The following PIEZO2 variants were observed in gnomAD, a reference collection of about 807,000 sequenced individuals.
PIEZO2 encodes piezo type mechanosensitive ion channel component 2, also known as piezo-type mechanosensitive ion channel component 2.
PIEZO2 carries 172 observed loss-of-function variants against 337.3 expected under a neutral mutation model. The observed-to-expected ratio is 0.51, with a 90% confidence interval of 0.45 to 0.58. PIEZO2 has a LOEUF of 0.58. Ranked by LOEUF, PIEZO2 falls within the 20% of genes least tolerant of loss-of-function variation. PIEZO2 has a pLI of 0.00. For synonymous variants in PIEZO2, 1,251 were observed against 1,228.5 expected, an observed-to-expected ratio of 1.02 and a Z score of -0.38; for missense variants, 3,028 against 3,391.3, an observed-to-expected ratio of 0.89 and a Z score of 2.66.
At chr18:10,811,762 G>C (rs1217540467) in intron 7 of PIEZO2, among the ~76,000 whole-genome samples, 1 of 152,206 alleles carries the variant, frequency 6.6e-6, no homozygotes, top group Non-Finnish European at 1.5e-5. Flanking sequence ...CAAACATTTT[G>C]AACTTTACCT....
chr18:10,980,126 A>C lies in PIEZO2; in HGVS notation c.161-466T>G, dbSNP rs2034609760. On this transcript the variant is annotated intron_variant, in intron 2 of 55. Transcript: ENST00000674853. The surrounding 1 kb of genome is among the most constrained non-coding windows in gnomAD (Gnocchi z 4.8). ...AGAAAATTATAACCCCATGTTACTC[A>C]TAACATAGATATGAATTATTTTTTT... Among the ~76,000 whole-genome samples, 1 of 152,122 alleles carries C rather than the reference A, an allele frequency of 6.6e-6. No individual in the cohort carries two copies. The highest frequency in any genetic ancestry group is 2.4e-5 in the African/African-American group (1 of 41,384).
intron 48 of PIEZO2, among the ~76,000 whole-genome samples, chr18:10,690,555 G>C (rs768836937): frequency 6.6e-5 from 10 of 152,166 alleles, no homozygotes; most frequent in Non-Finnish European, 5.9e-5. Flanking sequence ...AGCACTGTAT[G>C]AAACACGACC....
At position 10,750,299 on chromosome 18, in the gene PIEZO2, C is replaced by T; in HGVS notation, c.4168-112G>A. On this transcript the variant is annotated intron_variant, in intron 28 of 55. Transcript: ENST00000674853. This position sits in a 1 kb window ranked among gnomAD's most constrained non-coding sequence, Gnocchi z 4.1. Reference sequence around the variant, plus strand: ...CACAAGGTCTCAGTGATAAGGATTCCAGGAGATGCCAATTGTACCTAAAAA... The same window carrying T: ...CACAAGGTCTCAGTGATAAGGATTCTAGGAGATGCCAATTGTACCTAAAAA... The T allele has an allele frequency of 1.4e-6, 1 of 732,242 alleles. No homozygotes were observed. The highest frequency in any genetic ancestry group is 2.3e-6 in the Non-Finnish European group (1 of 432,654). The allele number at this position is 732,242 out of a possible 1,614,324, so 45.4% of individuals were successfully genotyped here.
At chr18:11,055,548 G>C (rs77175310) in intron 2 of PIEZO2, among the ~76,000 whole-genome samples, 1,796 of 152,352 alleles carry the variant, frequency 0.012, 21 homozygotes, top group South Asian at 0.048. Context: ...TCCAGGCAAA[G>C]GGAGCTGTGA....
chr18:10,825,382 A>C (rs2040639477), intron 7 of PIEZO2, among the ~76,000 whole-genome samples: 1 of 151,590 alleles, frequency 6.6e-6, no homozygotes, highest in Non-Finnish European at 1.5e-5. Context: ...GATTTGGGGG[A>C]GAAAGGTTGC....
intron 1 of PIEZO2, among the ~76,000 whole-genome samples, chr18:11,087,456 A>C (rs1376110935): frequency 6.6e-6 from 1 of 152,210 alleles, no homozygotes; most frequent in African/African-American, 2.4e-5. Flanking sequence ...TAATCTAAAT[A>C]TATTTATCTG....
chr18:11,098,975 T>G (rs1038403547), intron 1 of PIEZO2, among the ~76,000 whole-genome samples: 1 of 151,212 alleles, frequency 6.6e-6, no homozygotes, highest in African/African-American at 2.4e-5. Context: ...TTTAAATTTT[T>G]TTTTTTTTTT....
At position 11,002,296 on chromosome 18, in the gene PIEZO2, C is replaced by G. The variant is rs2035572477; in HGVS notation, c.161-22636G>C. ...AGTAGAGGCTGGTTCAGTCTATAGG[C>G]TGTAGTTTGCTGATCCCTGCTCTAG... is the stretch of plus-strand genomic sequence containing the variant. On this transcript the variant is annotated intron_variant, in intron 2 of 55. Coordinates refer to ENST00000674853, the MANE Select transcript of PIEZO2 (RefSeq NM_001378183.1). This position sits in a 1 kb window ranked among gnomAD's most constrained non-coding sequence, Gnocchi z 4.3. Among the ~76,000 whole-genome samples the G allele has an allele frequency of 5.3e-5, 8 of 152,266 alleles. No individual in the cohort carries two copies. In the South Asian group the frequency reaches 1.7e-3, roughly 32 times the overall value.
chr18:11,064,029 CAA>C (rs879717366), intron 2 of PIEZO2, among the ~76,000 whole-genome samples: 3 of 135,224 alleles, frequency 2.2e-5, no homozygotes. Context: ...ATCTGATGAG[CAA>C]AAAAAAAAAA....
At chr18:10,866,778 T>C (rs2042019100) in intron 5 of PIEZO2, among the ~76,000 whole-genome samples, 1 of 152,186 alleles carries the variant, frequency 6.6e-6, no homozygotes, top group Admixed American at 6.5e-5. Flanking sequence ...ATACCAAAAC[T>C]TTCCAGAAGA....
In PIEZO2 at chr18:10,856,895, TG is replaced by T; in HGVS notation, c.703+105del. ...AAGAGCTACAGTTATGATATTCATG[TG>T]GTGGAACAGACTGTTTCCTTCATTT... is the stretch of plus-strand genomic sequence containing the variant. On this transcript the variant is annotated intron_variant, in intron 6 of 55. Coordinates refer to ENST00000674853, the MANE Select transcript of PIEZO2 (RefSeq NM_001378183.1). This position sits in a 1 kb window ranked among gnomAD's most constrained non-coding sequence, Gnocchi z 4.7. 9.8e-7 allele frequency: 1 copy of T among 1,017,076 alleles called. No individual in the cohort carries two copies. Among genetic ancestry groups the T allele is most frequent in the Non-Finnish European group, 1.4e-6 (1 of 691,662 alleles). 63.0% of individuals were successfully genotyped at this position (1,017,076 alleles called of 1,614,324 possible). A position where few individuals can be genotyped will look rare whatever the true frequency, so the allele number is the denominator to read the frequency against.
rs1257644154 is a variant in PIEZO2 at position 11,003,191 on chromosome 18, A to G, written c.161-23531T>C. On this transcript the variant is annotated intron_variant, in intron 2 of 55. Coordinates refer to ENST00000674853, the MANE Select transcript of PIEZO2 (RefSeq NM_001378183.1). This position sits in a 1 kb window ranked among gnomAD's most constrained non-coding sequence, Gnocchi z 4.6. ...CCAGGACGTGTGTGGTATTAACTGT[A>G]GCACTAAGATAAGTTTCCATGTAAA... 6.6e-6 allele frequency among the ~76,000 whole-genome samples: 1 copy of G among 152,216 alleles called. No homozygotes were observed. Among genetic ancestry groups the G allele is most frequent in the Non-Finnish European group, 1.5e-5 (1 of 68,054 alleles).
Position 11,148,758 on chromosome 18 carries a change from G to A in PIEZO2, c.-170C>T, listed in dbSNP as rs1035810483. The A allele has an allele frequency of 9.5e-6, 6 of 634,860 alleles. No individual in the cohort carries two copies. Among genetic ancestry groups the A allele is most frequent in the Non-Finnish European group, 1.5e-5 (6 of 388,546 alleles). The allele number at this position is 634,860 out of a possible 1,614,324, so 39.3% of individuals were successfully genotyped here. On this transcript the variant is annotated 5_prime_UTR_variant, in exon 1 of 56. Transcript: ENST00000674853. The surrounding 1 kb of genome is among the most constrained non-coding windows in gnomAD (Gnocchi z 5.2). Reference sequence around the variant, plus strand: ...CTCTCCGCCCCGAGGGCACGCTCCCGGGGCTCTTGGCCGCCCCTCGCCCAC... The same window carrying A: ...CTCTCCGCCCCGAGGGCACGCTCCCAGGGCTCTTGGCCGCCCCTCGCCCAC...
At chr18:11,068,366 A>C (rs1470826984) in intron 1 of PIEZO2, among the ~76,000 whole-genome samples, 2 of 152,206 alleles carry the variant, frequency 1.3e-5, no homozygotes, top group East Asian at 3.8e-4. Context: ...AGAAATCAAA[A>C]ACAGGAGGAA....
intron 1 of PIEZO2, among the ~76,000 whole-genome samples, chr18:11,138,923 T>C (rs1055358953): frequency 1.3e-5 from 2 of 152,214 alleles, no homozygotes; most frequent in Non-Finnish European, 2.9e-5. Flanking sequence ...ATTCTCAACT[T>C]TCAACAGGTC....
Position 10,748,543 on chromosome 18 carries a change from C to A in PIEZO2, c.4352G>T (p.Arg1451Ile). 1 of 1,536,800 alleles carries A rather than the reference C, an allele frequency of 6.5e-7. No individual in the cohort carries two copies. The highest frequency in any genetic ancestry group is 8.7e-7 in the Non-Finnish European group (1 of 1,146,732). Residue 1451 changes from arginine (R) to isoleucine (I), a missense_variant, in exon 30 of 56, where the codon AGA becomes ATA. Arg to Ile is a moderately conservative substitution (Grantham distance 97, BLOSUM62 -3). Transcript: ENST00000674853. The surrounding 1 kb of genome is among the most constrained non-coding windows in gnomAD (Gnocchi z 5.1). ...SICFAFLLLQ[R>I]RVFMSYYFLH... ...AAAATAATAACTCATGAAAACTCTT[C>A]TTTGCAGCAGGAGGAAGGCAAAACA...
In PIEZO2 at chr18:11,106,841, T is replaced by G. The variant is rs963602344; in HGVS notation, c.65-40619A>C. On this transcript the variant is annotated intron_variant, in intron 1 of 55. Transcript: ENST00000674853. ...AAAGAAATGGCTTGGGACTGTTTTTTGGGCTGAGCCACTTACAAACACTTA... is the reference window on the plus strand; with the variant it reads ...AAAGAAATGGCTTGGGACTGTTTTTGGGGCTGAGCCACTTACAAACACTTA... 2.1e-5 allele frequency among the ~76,000 whole-genome samples: 3 copies of G among 143,786 alleles called. No individual in the cohort carries two copies. The East Asian group carries it at 6.8e-4, about 33-fold the overall frequency. 94.3% of individuals were successfully genotyped at this position (143,786 alleles called of 152,430 possible).
intron 30 of PIEZO2, among the ~76,000 whole-genome samples, chr18:10,744,696 C>T (rs2037354983): frequency 6.6e-6 from 1 of 152,208 alleles, no homozygotes; most frequent in Non-Finnish European, 1.5e-5. Flanking sequence ...AGTTCCTGCT[C>T]CATCTGTGGG....
chr18:11,075,771 A>G (rs2038512173), intron 1 of PIEZO2, among the ~76,000 whole-genome samples: 1 of 150,400 alleles, frequency 6.6e-6, no homozygotes, highest in Admixed American at 6.7e-5. Context: ...AGGAAAGGCG[A>G]ATAGAGATAT....
Sources: allele counts gnomAD v4.1 joint callset (sites outside exome capture counted in the v4.1 genomes callset), GRCh38; gene constraint gnomAD v4.1.1; non-coding constraint Gnocchi (gnomAD v3.1); transcripts MANE v1.5; gene names NCBI Gene and HGNC (gene_info 2026-07-23, HGNC 2026-07-21).